Variants in BRAF observed in about 807,000 individuals in gnomAD.
BRAF encodes B-Raf proto-oncogene, serine/threonine kinase.
A neutral mutation model predicts 104.6 loss-of-function variants in BRAF; 16 were observed. That is an observed-to-expected ratio of 0.15 (90% CI 0.10 to 0.23). The LOEUF (loss-of-function observed/expected upper bound fraction) is 0.23. Ranked by LOEUF, BRAF falls within the 10% of genes least tolerant of loss-of-function variation. The probability of loss-of-function intolerance (pLI) is 1.00; values close to 1 mark genes in which losing one functional copy is unlikely to be tolerated. For missense variants in BRAF, 541 were observed against 937.3 expected (o/e 0.58, Z 5.52); for synonymous variants, 310 against 341.6 (o/e 0.91, Z 1.02).
At chr7:140,919,588 A>G (rs535315283) in intron 1 of BRAF, among the ~76,000 whole-genome samples, 5 of 152,246 alleles carry the variant, frequency 3.3e-5, no homozygotes, top group South Asian at 4.1e-4. Context: ...TACCATGCTA[A>G]TTAAGTATGT....
At chr7:140,917,490 C>A (rs1817748971) in intron 1 of BRAF, among the ~76,000 whole-genome samples, 1 of 152,128 alleles carries the variant, frequency 6.6e-6, no homozygotes, top group South Asian at 2.1e-4. Flanking sequence ...AGGAGCTGGG[C>A]TTGGTGCATG....
chr7:140,837,791 A>G (rs549997206), intron 2 of BRAF, among the ~76,000 whole-genome samples: 1 of 152,288 alleles, frequency 6.6e-6, no homozygotes, highest in African/African-American at 2.4e-5. Context: ...TCAACTTTTA[A>G]TTCACTCTGA....
chr7:140,759,954 G>A (rs1798533185), intron 14 of BRAF, among the ~76,000 whole-genome samples: 1 of 152,160 alleles, frequency 6.6e-6, no homozygotes, highest in South Asian at 2.1e-4. Context: ...ATTCTGAGCA[G>A]CAAGAAACTA....
chr7:140,722,810 T>C lies in BRAF; in HGVS notation c.*3684A>G. The C allele has an allele frequency of 9.5e-7, 1 of 1,052,786 alleles. No individual in the cohort carries two copies. Among genetic ancestry groups the C allele is most frequent in the Non-Finnish European group, 1.1e-6 (1 of 871,400 alleles). 65.2% of individuals were successfully genotyped at this position (1,052,786 alleles called of 1,614,324 possible). A position where few individuals can be genotyped will look rare whatever the true frequency, so the allele number is the denominator to read the frequency against. ...GTTAGTGAAGTGATACCACAGCTAT[T>C]TAATTTCATGCAATTGACTCAAGGT... On this transcript the variant is annotated 3_prime_UTR_variant, in exon 20 of 20. Transcript: ENST00000644969.
chr7:140,900,845 A>G (rs1313576942), intron 1 of BRAF, among the ~76,000 whole-genome samples: 1 of 152,194 alleles, frequency 6.6e-6, no homozygotes, highest in Non-Finnish European at 1.5e-5. Flanking sequence ...TCCTGGCCTC[A>G]AGTGATCCAA....
At chr7:140,731,259 T>C (rs1225503320) in intron 19 of BRAF, 2 of 152,242 alleles carry the variant, frequency 1.3e-5, no homozygotes, top group African/African-American at 4.8e-5. Context: ...TCACGCGATC[T>C]GCCCACCTTG....
intron 3 of BRAF, among the ~76,000 whole-genome samples, chr7:140,828,200 G>A (rs919476046): frequency 8.6e-5 from 13 of 152,046 alleles, no homozygotes; most frequent in African/African-American, 3.1e-4. Context: ...GCCAAAATTT[G>A]TATTTCGTGT....
Position 140,725,473 on chromosome 7 carries a change from A to G in BRAF, c.*1021T>C, listed in dbSNP as rs1229589545. 1 of 936,926 alleles carries G rather than the reference A, an allele frequency of 1.1e-6. No individual in the cohort carries two copies. 58.0% of individuals were successfully genotyped at this position (936,926 alleles called of 1,614,324 possible). A position where few individuals can be genotyped will look rare whatever the true frequency, so the allele number is the denominator to read the frequency against. Reference sequence around the variant, plus strand: ...TCTGAAAATTATTTTCTTTTTAATAAAAATAGAAAAGAAGAAACTCAGAAA... The same window carrying G: ...TCTGAAAATTATTTTCTTTTTAATAGAAATAGAAAAGAAGAAACTCAGAAA... On this transcript the variant is annotated 3_prime_UTR_variant, in exon 20 of 20. Coordinates refer to ENST00000644969, the MANE Select transcript of BRAF (RefSeq NM_001374258.1).
At chr7:140,746,151 AT>A (rs781459924) in intron 17 of BRAF, among the ~76,000 whole-genome samples, 6 of 152,252 alleles carry the variant, frequency 3.9e-5, no homozygotes, top group Non-Finnish European at 8.8e-5. Context: ...GTGGTTTGTT[AT>A]GCAGCAATTA....
rs1438038489 is a variant in BRAF at position 140,783,125 on chromosome 7, CA to C, written c.1329del (p.Ala444ProfsTer7). 1 of 1,613,916 alleles carries C rather than the reference CA, an allele frequency of 6.2e-7. No individual in the cohort carries two copies. The highest frequency in any genetic ancestry group is 1.7e-5 in the Admixed American group (1 of 59,998). ...GSTTGLSATP[P>X]ASLPGSLTNV... Reference sequence around the variant, plus strand: ...TTAGTTAGTGAGCCAGGTAATGAGGCAGGGGGGGTAGCAGACAAACCTGTGG... The same window carrying C: ...TTAGTTAGTGAGCCAGGTAATGAGGCGGGGGGGTAGCAGACAAACCTGTGG... On this transcript the variant is annotated frameshift_variant, in exon 11 of 20. Coordinates refer to ENST00000644969, the MANE Select transcript of BRAF (RefSeq NM_001374258.1). LOFTEE classifies it high-confidence loss of function.
At chr7:140,836,213 T>C (rs981737346) in intron 2 of BRAF, 1 of 152,214 alleles carries the variant, frequency 6.6e-6, no homozygotes, top group African/African-American at 2.4e-5. Flanking sequence ...GATCAATATA[T>C]GTTTGTGAAA....
chr7:140,905,486 G>T lies in BRAF; in HGVS notation c.138+19080C>A, dbSNP rs1019009134. Among the ~76,000 whole-genome samples the T allele has an allele frequency of 3.9e-5, 6 of 152,244 alleles. No homozygotes were observed. The East Asian group carries it at 7.7e-4, about 20-fold the overall frequency. On this transcript the variant is annotated intron_variant, in intron 1 of 19. Coordinates refer to ENST00000644969, the MANE Select transcript of BRAF (RefSeq NM_001374258.1). The stretch of plus-strand genomic sequence containing the variant: ...TAGAATATGCATGGTATGTCTTATT[G>T]TGATGATTACTTTTGATCTTCTTTA...
intron 1 of BRAF, among the ~76,000 whole-genome samples, chr7:140,888,873 A>G (rs1469472924): frequency 6.6e-6 from 1 of 152,058 alleles, no homozygotes; most frequent in Non-Finnish European, 1.5e-5. Context: ...GTCCTTAACC[A>G]GAAGCAATTT....
At chr7:140,788,879 G>A (rs1342617683) in intron 8 of BRAF, among the ~76,000 whole-genome samples, 3 of 151,514 alleles carry the variant, frequency 2.0e-5, no homozygotes, top group African/African-American at 4.8e-5. Context: ...ATAAGCCGCC[G>A]CAACCGGCCA....
intron 1 of BRAF, among the ~76,000 whole-genome samples, chr7:140,871,452 A>G (rs575711104): frequency 2.0e-5 from 3 of 152,158 alleles, no homozygotes; most frequent in African/African-American, 7.2e-5. Flanking sequence ...TCTCTAAAGC[A>G]AGGACTGCCT....
chr7:140,868,483 C>A (rs1198887198), intron 1 of BRAF, among the ~76,000 whole-genome samples: 2 of 151,962 alleles, frequency 1.3e-5, no homozygotes, highest in African/African-American at 4.8e-5. Context: ...TCACAAAAAA[C>A]CACACAGTGT....
chr7:140,849,153 T>G (rs533280673), intron 2 of BRAF, among the ~76,000 whole-genome samples: 2 of 152,276 alleles, frequency 1.3e-5, no homozygotes, highest in East Asian at 3.9e-4. Context: ...TAGTGAGCAG[T>G]GTGGGCTGTA....
chr7:140,753,848 C>T (rs960292734), intron 15 of BRAF: 2 of 374,000 alleles, frequency 5.3e-6, no homozygotes, highest in South Asian at 2.7e-5. Context: ...TCAGTTATAT[C>T]TCAACTACCA....
intron 3 of BRAF, among the ~76,000 whole-genome samples, chr7:140,828,542 T>C (rs536597316): frequency 3.7e-4 from 56 of 152,320 alleles, no homozygotes; most frequent in African/African-American, 1.3e-3. Context: ...AAGTAAGTAA[T>C]ATCAGAGTTT....
Sources: allele counts gnomAD v4.1 joint callset (sites outside exome capture counted in the v4.1 genomes callset), GRCh38; gene constraint gnomAD v4.1.1; transcripts MANE v1.5; gene names NCBI Gene and HGNC (gene_info 2026-07-23, HGNC 2026-07-21).